Variants in BNC2 observed in about 807,000 individuals in gnomAD.
BNC2 encodes the protein basonuclin zinc finger protein 2, also known as zinc finger protein basonuclin-2.
In BNC2, 20 loss-of-function variants were observed where a neutral mutation model predicts 76.3. The ratio of observed to expected loss-of-function variants is 0.26; its 90% CI spans 0.18 to 0.38. The LOEUF is 0.38. BNC2 is among the 10% of genes least tolerant of loss of function. The pLI is 1.00. For synonymous variants in BNC2, 582 were observed against 514.8 expected, an observed-to-expected ratio of 1.13 and a Z score of -1.77; for missense variants, 1,382 against 1,399.8, an observed-to-expected ratio of 0.99 and a Z score of 0.20.
At chr9:16,799,602 C>A (rs1817734435) in intron 1 of BNC2, among the ~76,000 whole-genome samples, 1 of 152,062 alleles carries the variant, frequency 6.6e-6, no homozygotes, top group South Asian at 2.1e-4. Context: ...CAGGCAATAA[C>A]AAGAAGGGCA....
chr9:16,758,549 T>G (rs1825460390), intron 1 of BNC2, among the ~76,000 whole-genome samples: 1 of 152,132 alleles, frequency 6.6e-6, no homozygotes, highest in African/African-American at 2.4e-5. Flanking sequence ...CAGGCAGCTC[T>G]CAAACTCTTG....
intron 4 of BNC2, among the ~76,000 whole-genome samples, chr9:16,576,882 T>C (rs1489072472): frequency 6.6e-6 from 1 of 152,092 alleles, no homozygotes; most frequent in East Asian, 1.9e-4. Flanking sequence ...GGATTACAGG[T>C]ACGCACCACC....
intron 5 of BNC2, among the ~76,000 whole-genome samples, chr9:16,506,688 G>C (rs543257483): frequency 3.3e-5 from 5 of 151,514 alleles, no homozygotes; most frequent in Admixed American, 2.0e-4. Context: ...ACCACACCCA[G>C]CTAATTTTTG....
At chr9:16,802,187 G>A (rs531565876) in intron 1 of BNC2, among the ~76,000 whole-genome samples, 1 of 152,340 alleles carries the variant, frequency 6.6e-6, no homozygotes, top group East Asian at 1.9e-4. Flanking sequence ...TATATTAGCT[G>A]CGACTTCAGC....
In BNC2 at chr9:16,737,804, T is replaced by C. The variant is rs370409122; in HGVS notation, c.129+556A>G. ...TAACAGGTCCCTTAGAAGATCTGCA[T>C]AGTGATTGGCTTTGATGGAGAATAG... On this transcript the variant is annotated intron_variant, in intron 2 of 6. Coordinates refer to ENST00000380672, the MANE Select transcript of BNC2 (RefSeq NM_017637.6). Among the ~76,000 whole-genome samples the C allele has an allele frequency of 7.9e-5, 12 of 152,144 alleles. No individual in the cohort carries two copies. In the East Asian group the frequency reaches 1.2e-3, roughly 15 times the overall value.
intron 4 of BNC2, among the ~76,000 whole-genome samples, chr9:16,560,103 A>T (rs571868332): frequency 6.6e-4 from 101 of 152,334 alleles, no homozygotes; most frequent in Non-Finnish European, 1.2e-3. Flanking sequence ...CTGTTGAAAC[A>T]GACTGCTGGG....
intron 1 of BNC2, among the ~76,000 whole-genome samples, chr9:16,803,405 C>A (rs532203459): frequency 6.6e-6 from 1 of 152,122 alleles, no homozygotes; most frequent in African/African-American, 2.4e-5. Context: ...TTTATTACAA[C>A]GAAGGGAGGC....
At chr9:16,573,137 A>T (rs1350449097) in intron 4 of BNC2, among the ~76,000 whole-genome samples, 1 of 150,568 alleles carries the variant, frequency 6.6e-6, no homozygotes, top group Non-Finnish European at 1.5e-5. Flanking sequence ...CTGAGGTGGG[A>T]GGATTGCTTG....
chr9:16,738,039 A>T (rs151253281), intron 2 of BNC2, among the ~76,000 whole-genome samples: 1 of 152,290 alleles, frequency 6.6e-6, no homozygotes, highest in East Asian at 1.9e-4. Context: ...ATAACAATAA[A>T]CTAGCCCTAG....
At chr9:16,678,553 C>G (rs1296516067) in intron 3 of BNC2, among the ~76,000 whole-genome samples, 1 of 151,816 alleles carries the variant, frequency 6.6e-6, no homozygotes, top group African/African-American at 2.4e-5. Flanking sequence ...CGTGAGCCAC[C>G]GCGCCTGGCC....
intron 3 of BNC2, among the ~76,000 whole-genome samples, chr9:16,655,766 A>C (rs753702861): frequency 4.6e-5 from 7 of 152,176 alleles, no homozygotes; most frequent in Non-Finnish European, 8.8e-5. Context: ...CAAATGGCAA[A>C]ATTCTCCACA....
intron 1 of BNC2, among the ~76,000 whole-genome samples, chr9:16,770,783 G>T (rs1825812250): frequency 6.6e-6 from 1 of 151,994 alleles, no homozygotes; most frequent in Non-Finnish European, 1.5e-5. Context: ...AGAATCGCTT[G>T]AACCCCAGGA....
intron 1 of BNC2, among the ~76,000 whole-genome samples, chr9:16,816,086 T>A (rs971824531): frequency 6.6e-6 from 1 of 152,178 alleles, no homozygotes; most frequent in African/African-American, 2.4e-5. Context: ...TAAGCAAACA[T>A]TTCCCTTTTT....
At chr9:16,639,964 C>T (rs897465327) in intron 3 of BNC2, among the ~76,000 whole-genome samples, 1 of 151,864 alleles carries the variant, frequency 6.6e-6, no homozygotes, top group Non-Finnish European at 1.5e-5. Flanking sequence ...TTTTTTCCCC[C>T]ATTAGTGACA....
chr9:16,453,975 G>C (rs1170111849), intron 5 of BNC2, among the ~76,000 whole-genome samples: 1 of 152,102 alleles, frequency 6.6e-6, no homozygotes, highest in South Asian at 2.1e-4. Context: ...AGCTTTCAGT[G>C]AACACACTAT....
At position 16,777,626 on chromosome 9, in the gene BNC2, G is replaced by A. The variant is rs376160392; in HGVS notation, c.4-39141C>T. ...TGAGGCAAGAGAATGACGTGAACCC[G>A]GGAGGCGGAGCTTGCAGTGAGCGGA... On this transcript the variant is annotated intron_variant, in intron 1 of 6. Coordinates refer to ENST00000380672, the MANE Select transcript of BNC2 (RefSeq NM_017637.6). Among the ~76,000 whole-genome samples, 216 of 151,250 alleles carry A rather than the reference G, an allele frequency of 1.4e-3. 1 individual carries two copies. The highest frequency in any genetic ancestry group is 5.0e-3 in the African/African-American group (206 of 41,238).
At chr9:16,596,029 T>A (rs1820058906) in intron 3 of BNC2, among the ~76,000 whole-genome samples, 1 of 152,086 alleles carries the variant, frequency 6.6e-6, no homozygotes, top group Admixed American at 6.6e-5. Context: ...GGGTCAATAA[T>A]CCGTGAACTA....
chr9:16,493,747 G>A (rs1215957439), intron 5 of BNC2, among the ~76,000 whole-genome samples: 1 of 152,164 alleles, frequency 6.6e-6, no homozygotes, highest in Non-Finnish European at 1.5e-5. Flanking sequence ...CACAGCAGGG[G>A]GCTAAGGCAG....
intron 1 of BNC2, among the ~76,000 whole-genome samples, chr9:16,770,148 C>A (rs1825796319): frequency 6.6e-6 from 1 of 152,136 alleles, no homozygotes; most frequent in South Asian, 2.1e-4. Context: ...TGGCTCAATG[C>A]TAACCTGGAA....
Sources: gnomAD v4.1 joint callset for allele counts (sites outside exome capture counted in the v4.1 genomes callset) on GRCh38, gnomAD v4.1.1 for gene constraint, MANE v1.5 for transcripts, NCBI Gene and HGNC (gene_info 2026-07-23, HGNC 2026-07-21) for gene names.